WNK1: variants seen among roughly 807,000 people sequenced by gnomAD.
WNK1 encodes serine/threonine-protein kinase WNK1.
Under a neutral mutation model 222.8 loss-of-function variants are expected in WNK1, and 38 were observed. That is an observed-to-expected ratio of 0.17 (90% CI 0.13 to 0.22). The LOEUF is 0.22. WNK1 is among the 10% of genes least tolerant of loss of function. WNK1 has a pLI of 1.00. For missense variants in WNK1, 2,348 were observed against 2,918.4 expected, an observed-to-expected ratio of 0.80 and a Z score of 4.50; for synonymous variants, 1,090 against 1,092.9, an observed-to-expected ratio of 1.00 and a Z score of 0.05.
At chr12:898,224 C>T (rs982826822) in intron 25 of WNK1, among the ~76,000 whole-genome samples, 3 of 151,952 alleles carry the variant, frequency 2.0e-5, no homozygotes, top group Non-Finnish European at 2.9e-5. Flanking sequence ...GTGGCTCACG[C>T]CTGTAATCCC....
intron 2 of WNK1, among the ~76,000 whole-genome samples, chr12:826,542 A>G (rs1324534704): frequency 6.6e-6 from 1 of 152,224 alleles, no homozygotes; most frequent in Non-Finnish European, 1.5e-5. Flanking sequence ...GCCTTCAAGT[A>G]ATAGTTGTTT....
In WNK1 at chr12:827,383, G is replaced by C; in HGVS notation, c.1153+121G>C. ...TAAGAAATTCATAGCTTGAACTCAG[G>C]AGGTGATCCATTGTACTTATGAGAT... On this transcript the variant is annotated intron_variant, in intron 3 of 27. Transcript: ENST00000315939. This position sits in a 1 kb window ranked among gnomAD's most constrained non-coding sequence, Gnocchi z 4.6. The C allele has an allele frequency of 1.2e-6, 1 of 849,456 alleles. No individual in the cohort carries two copies. The highest frequency in any genetic ancestry group is 2.0e-5 in the Admixed American group (1 of 49,394). The allele number at this position is 849,456 out of a possible 1,614,324, so 52.6% of individuals were successfully genotyped here.
intron 26 of WNK1, 117 bp from the exon 27 acceptor site, chr12:907,730 C>T (rs571104363): frequency 8.0e-7 from 1 of 1,248,714 alleles, no homozygotes; most frequent in South Asian, 1.2e-5. Flanking sequence ...GCATGGCTTC[C>T]CAGTTCATCC....
At chr12:865,099 TTTGTG>T in intron 8 of WNK1, 2 of 1,502,782 alleles carry the variant, frequency 1.3e-6, no homozygotes, top group Non-Finnish European at 1.8e-6. Flanking sequence ...GTGTGTTTGT[TTTGTG>T]TTGAGCCTCG....
intron 3 of WNK1, 58 bp from the exon 4 acceptor site, chr12:829,945 G>C: frequency 6.3e-7 from 1 of 1,598,878 alleles, no homozygotes; most frequent in Non-Finnish European, 8.6e-7. Flanking sequence ...TCTCACCCCG[G>C]TGAGTAACGT....
intron 4 of WNK1, among the ~76,000 whole-genome samples, chr12:853,276 A>G (rs759895821): frequency 2.4e-4 from 37 of 152,324 alleles, no homozygotes; most frequent in African/African-American, 8.2e-4. Context: ...TGGTTTTGCT[A>G]TATCTTAATA....
At chr12:858,805 A>G (rs938704856) in intron 5 of WNK1, among the ~76,000 whole-genome samples, 20 of 152,238 alleles carry the variant, frequency 1.3e-4, no homozygotes, top group Non-Finnish European at 2.2e-4. Flanking sequence ...AGACAAGATC[A>G]TAAATATGAA....
chr12:890,349 C>A, intron 21 of WNK1, 104 bp from the exon 22 acceptor site: 1 of 1,111,060 alleles, frequency 9.0e-7, no homozygotes, highest in Non-Finnish European at 1.4e-6. Context: ...ATCACATATA[C>A]TGTCTTTCTG....
chr12:870,620 G>T (rs559941131), intron 8 of WNK1, among the ~76,000 whole-genome samples: 1 of 152,146 alleles, frequency 6.6e-6, no homozygotes, highest in African/African-American at 2.4e-5. Flanking sequence ...TGTTGTGGTG[G>T]GCTGTTCTAT....
chr12:908,261 C>A (rs1955867203), intron 27 of WNK1: 1 of 749,950 alleles, frequency 1.3e-6, no homozygotes, highest in Admixed American at 2.4e-5. Flanking sequence ...CTTCGTCATC[C>A]TCAACTACAC....
chr12:900,118 T>C (rs367981763), intron 25 of WNK1, among the ~76,000 whole-genome samples: 96 of 149,872 alleles, frequency 6.4e-4, no homozygotes, highest in African/African-American at 2.1e-3. Flanking sequence ...CCTGAGTAGC[T>C]GGGATTATAG....
rs1939552850 is a variant in WNK1, at chr12:753,835, C to T, written c.270C>T (p.Ala90=). The T allele has an allele frequency of 6.2e-7, 1 of 1,612,764 alleles. No individual in the cohort carries two copies. The highest frequency in any genetic ancestry group is 8.5e-7 in the Non-Finnish European group (1 of 1,179,958). The change falls in exon 1 of 28, where the codon GCC becomes GCT. Residue 90 remains alanine (A), a synonymous_variant. Coordinates refer to ENST00000315939, the MANE Select transcript of WNK1 (RefSeq NM_018979.4). This position sits in a 1 kb window ranked among gnomAD's most constrained non-coding sequence, Gnocchi z 5.2. ...FRRSVICDSN[A]TALELPGLPL... is the part of the protein sequence containing the mutation. ...GGAGCGTCATCTGTGACTCCAATGCCACTGCACTGGAGCTTCCCGGCCTTC... is the reference window on the plus strand; with the variant it reads ...GGAGCGTCATCTGTGACTCCAATGCTACTGCACTGGAGCTTCCCGGCCTTC...
chr12:878,797 TAAG>T (rs1952858384), intron 10 of WNK1, among the ~76,000 whole-genome samples: 1 of 150,512 alleles, frequency 6.6e-6, no homozygotes, highest in African/African-American at 2.4e-5. Flanking sequence ...TTTTTTTTCT[TAAG>T]TAGTCCTCCT....
At chr12:859,632 G>GTGTGTGTGGT (rs369513114) in intron 6 of WNK1, among the ~76,000 whole-genome samples, 168 bp downstream of exon 6, 25 of 122,656 alleles carry the variant, frequency 2.0e-4, no homozygotes, top group South Asian at 5.2e-4. Flanking sequence ...GTGTGTGTGT[G>GTGTGTGTGGT]TTTTTTTTTT....
intron 26 of WNK1, among the ~76,000 whole-genome samples, chr12:902,281 C>T (rs1205609017): frequency 2.6e-5 from 4 of 151,902 alleles, no homozygotes; most frequent in South Asian, 2.1e-4. Context: ...CCAGCCTGAG[C>T]GACAGAGTGA....
chr12:817,082 T>C (rs7963376), intron 2 of WNK1, among the ~76,000 whole-genome samples: 74,858 of 152,034 alleles, frequency 0.49, 19,088 homozygotes, highest in East Asian at 0.81. Flanking sequence ...GCAGACTGAA[T>C]TGAATTGACA....
intron 1 of WNK1, among the ~76,000 whole-genome samples, chr12:796,223 A>G (rs533643501): frequency 6.6e-6 from 1 of 152,116 alleles, no homozygotes; most frequent in East Asian, 1.9e-4. Context: ...TGCTTATAAT[A>G]TACATTTTAA....
intron 22 of WNK1, 66 bp from the exon 23 acceptor site, chr12:894,496 C>T: frequency 7.2e-7 from 1 of 1,388,078 alleles, no homozygotes. Flanking sequence ...GTATTTCTAG[C>T]TAAAGGGAAA....
intron 26 of WNK1, among the ~76,000 whole-genome samples, chr12:904,953 C>T (rs1955576234): frequency 6.6e-6 from 1 of 152,176 alleles, no homozygotes; most frequent in Non-Finnish European, 1.5e-5. Context: ...TGTGGCTTCT[C>T]ATACTTTAAT....
Sources: gnomAD v4.1 joint callset for allele counts (sites outside exome capture counted in the v4.1 genomes callset) on GRCh38, gnomAD v4.1.1 for gene constraint, Gnocchi (gnomAD v3.1) non-coding constraint, MANE v1.5 for transcripts, NCBI Gene and HGNC (gene_info 2026-07-23, HGNC 2026-07-21) for gene names.